CSMD1: variants seen among roughly 807,000 people sequenced by gnomAD.
CSMD1 encodes the protein CUB and sushi domain-containing protein 1.
A neutral mutation model predicts 417.5 loss-of-function variants in CSMD1; 213 were observed. The ratio of observed to expected loss-of-function variants is 0.51; its 90% CI spans 0.46 to 0.57. The LOEUF (loss-of-function observed/expected upper bound fraction) is 0.57, where lower values mean the gene tolerates loss of function less well. Ranked by LOEUF, CSMD1 falls within the 20% of genes least tolerant of loss-of-function variation. CSMD1 has a pLI of 0.00. For synonymous variants in CSMD1, 2,862 were observed against 1,736.8 expected, an observed-to-expected ratio of 1.65 and a Z score of -16.11; for missense variants, 6,923 against 4,529.7, an observed-to-expected ratio of 1.53 and a Z score of -15.17.
intron 12 of CSMD1, among the ~76,000 whole-genome samples, chr8:3,416,514 G>C (rs17066072): frequency 0.059 from 9,014 of 152,154 alleles, 328 homozygotes; most frequent in East Asian, 0.15. Flanking sequence ...ATTTCAAAAA[G>C]AGCTAAGAAG....
chr8:3,608,719 A>T (rs1050012560), intron 8 of CSMD1, among the ~76,000 whole-genome samples: 1 of 149,834 alleles, frequency 6.7e-6, no homozygotes, highest in African/African-American at 2.5e-5. Flanking sequence ...AGCCGACATC[A>T]TGCCACTGCA....
intron 3 of CSMD1, among the ~76,000 whole-genome samples, chr8:4,293,899 G>A (rs1018652550): frequency 6.6e-6 from 1 of 151,820 alleles, no homozygotes; most frequent in African/African-American, 2.4e-5. Context: ...TTTGATAGAG[G>A]GATGTCCTAT....
At chr8:3,926,006 T>C (rs1444566723) in intron 5 of CSMD1, among the ~76,000 whole-genome samples, 1 of 128,866 alleles carries the variant, frequency 7.8e-6, no homozygotes, top group African/African-American at 2.9e-5. Flanking sequence ...TAATTGTCTA[T>C]TTGTCTATAC....
chr8:4,645,947 T>G (rs1803491097), intron 1 of CSMD1, among the ~76,000 whole-genome samples: 2 of 152,238 alleles, frequency 1.3e-5, no homozygotes, highest in Non-Finnish European at 1.5e-5. Context: ...AGATTCTGAG[T>G]GATAAAGTCG....
intron 2 of CSMD1, among the ~76,000 whole-genome samples, chr8:4,636,510 C>A (rs1344530051): frequency 6.6e-6 from 1 of 152,134 alleles, no homozygotes; most frequent in Non-Finnish European, 1.5e-5. Context: ...TATTCTCTGA[C>A]AACATAAGGG....
chr8:4,218,807 T>C (rs963250933), intron 3 of CSMD1, among the ~76,000 whole-genome samples: 1 of 152,204 alleles, frequency 6.6e-6, no homozygotes, highest in Non-Finnish European at 1.5e-5. Flanking sequence ...TTCTGTTTTC[T>C]CAGTGTCAAT....
chr8:3,504,580 T>C (rs751661562), intron 10 of CSMD1, among the ~76,000 whole-genome samples: 1 of 152,228 alleles, frequency 6.6e-6, no homozygotes, highest in Non-Finnish European at 1.5e-5. Context: ...TATTCTGTTA[T>C]TTCAAATCTC....
At chr8:3,743,390 C>T (rs1258866293) in intron 6 of CSMD1, among the ~76,000 whole-genome samples, 1 of 152,182 alleles carries the variant, frequency 6.6e-6, no homozygotes, top group Non-Finnish European at 1.5e-5. Context: ...CATAAAACTG[C>T]ATTGCGTGGA....
intron 5 of CSMD1, among the ~76,000 whole-genome samples, chr8:3,796,257 GTATAGA>G (rs1431117284): frequency 0.025 from 1,106 of 43,640 alleles, 178 homozygotes; most frequent in Middle Eastern, 0.094. Flanking sequence ...TATCTATCAT[GTATAGA>G]TATAGATATA....
intron 1 of CSMD1, among the ~76,000 whole-genome samples, chr8:4,642,929 T>C (rs1803290849): frequency 6.6e-6 from 1 of 152,202 alleles, no homozygotes; most frequent in South Asian, 2.1e-4. Flanking sequence ...AATGATACTC[T>C]GTAGCAAATT....
At chr8:3,906,783 G>T (rs1336259379) in intron 5 of CSMD1, among the ~76,000 whole-genome samples, 4 of 151,956 alleles carry the variant, frequency 2.6e-5, no homozygotes, top group Admixed American at 6.6e-5. Flanking sequence ...CTTTTATATT[G>T]AACATATATA....
chr8:3,631,618 T>C (rs1796787668), intron 7 of CSMD1, among the ~76,000 whole-genome samples: 1 of 152,208 alleles, frequency 6.6e-6, no homozygotes, highest in East Asian at 1.9e-4. Context: ...CCATCGGTTT[T>C]GCAACACTGA....
At chr8:4,732,375 G>GTGTGTC (rs1554461259) in intron 1 of CSMD1, among the ~76,000 whole-genome samples, 43 of 150,252 alleles carry the variant, frequency 2.9e-4, no homozygotes, top group Non-Finnish European at 5.3e-4. Flanking sequence ...GTGTGTGTGT[G>GTGTGTC]TGTGTGTAGT....
intron 50 of CSMD1, among the ~76,000 whole-genome samples, chr8:3,039,851 A>T (rs1810972661): frequency 6.6e-6 from 1 of 152,212 alleles, no homozygotes; most frequent in South Asian, 2.1e-4. Context: ...GCTTTGCCAA[A>T]TATCAGCATT....
At chr8:4,290,168 G>C (rs907902902) in intron 3 of CSMD1, among the ~76,000 whole-genome samples, 5 of 152,192 alleles carry the variant, frequency 3.3e-5, no homozygotes, top group African/African-American at 9.6e-5. Flanking sequence ...AGGTAAAGCA[G>C]AGTTGCGTGG....
At chr8:3,935,670 G>A (rs1446045238) in intron 5 of CSMD1, among the ~76,000 whole-genome samples, 9 of 152,148 alleles carry the variant, frequency 5.9e-5, no homozygotes, top group African/African-American at 1.4e-4. Flanking sequence ...CAATAAATGT[G>A]TGTGTTCTGA....
chr8:3,637,932 G>C (rs1380001459), intron 7 of CSMD1, among the ~76,000 whole-genome samples: 1 of 152,188 alleles, frequency 6.6e-6, no homozygotes, highest in Non-Finnish European at 1.5e-5. Context: ...CGCCATGTAA[G>C]ACATGACTTT....
At chr8:3,325,915 GAAT>G (rs1454991331) in intron 23 of CSMD1, among the ~76,000 whole-genome samples, 2 of 152,110 alleles carry the variant, frequency 1.3e-5, no homozygotes, top group Admixed American at 6.5e-5. Context: ...AAAATATAAA[GAAT>G]AATTCATTAT....
intron 3 of CSMD1, among the ~76,000 whole-genome samples, chr8:4,333,886 C>G (rs1401658837): frequency 6.6e-6 from 1 of 151,966 alleles, no homozygotes; most frequent in East Asian, 1.9e-4. Context: ...AATTTTTCCC[C>G]TTTATTTCTT....
Sources: gnomAD v4.1 joint callset for allele counts (sites outside exome capture counted in the v4.1 genomes callset) on GRCh38, gnomAD v4.1.1 for gene constraint, MANE v1.5 for transcripts, NCBI Gene and HGNC (gene_info 2026-07-23, HGNC 2026-07-21) for gene names.